MICALL1: variants seen among roughly 807,000 people sequenced by gnomAD.
The protein encoded by MICALL1 is MICAL-like protein 1.
A neutral mutation model predicts 83.7 loss-of-function variants in MICALL1; 61 were observed. The ratio of observed to expected loss-of-function variants is 0.73; its 90% CI spans 0.59 to 0.90. The LOEUF (loss-of-function observed/expected upper bound fraction) is 0.90. Ranked by LOEUF, MICALL1 falls within the 40% of genes least tolerant of loss-of-function variation. The pLI is 0.00. For missense variants in MICALL1, 1,066 were observed against 1,152.0 expected (o/e 0.93, Z 1.08); for synonymous variants, 481 against 473.6 (o/e 1.02, Z -0.20).
intron 7 of MICALL1, among the ~76,000 whole-genome samples, 197 bp from the exon 8 acceptor site, chr22:37,925,464 G>C (rs1229674542): frequency 1.3e-5 from 2 of 152,118 alleles, no homozygotes; most frequent in African/African-American, 2.4e-5. Flanking sequence ...GTGACTTGAA[G>C]GTTCACATTC....
chr22:37,937,026 G>T, intron 13 of MICALL1, 54 bp from the exon 14 acceptor site: 1 of 1,466,182 alleles, frequency 6.8e-7, no homozygotes, highest in Non-Finnish European at 9.3e-7. Context: ...GGTGGCCTGG[G>T]GAGGAAGAGG....
chr22:37,906,549 C>T lies in MICALL1; in HGVS notation c.127C>T (p.Arg43Trp). 3.4e-6 allele frequency: 4 copies of T among 1,188,074 alleles called. No homozygotes were observed. Among genetic ancestry groups the T allele is most frequent in the Non-Finnish European group, 4.2e-6 (4 of 952,960 alleles). 73.6% of individuals were successfully genotyped at this position (1,188,074 alleles called of 1,614,324 possible). A position where few individuals can be genotyped will look rare whatever the true frequency, so the allele number is the denominator to read the frequency against. ...CCTGGCCTTCTGCGCCATCCTGCAC[C>T]GGCACCGGCCCGACCTGCTGTGAGT... The part of the protein sequence containing the change: ...DGLAFCAILH[R>W]HRPDLLDFDS... Residue 43 changes from arginine (R) to tryptophan (W), a missense_variant, in exon 1 of 16, where the codon CGG (arginine) becomes TGG (tryptophan). Arg to Trp is a moderately radical substitution (Grantham distance 101, BLOSUM62 -3). Transcript: ENST00000215957. The surrounding 1 kb of genome is among the most constrained non-coding windows in gnomAD (Gnocchi z 4.4).
intron 3 of MICALL1, among the ~76,000 whole-genome samples, chr22:37,912,868 G>A (rs1344249733): frequency 2.0e-5 from 3 of 151,830 alleles, no homozygotes; most frequent in African/African-American, 7.3e-5. Context: ...TCACTATGTT[G>A]GCCAGGCTGG....
At chr22:37,939,065 GT>G in intron 15 of MICALL1, among the ~76,000 whole-genome samples, 1 of 152,162 alleles carries the variant, frequency 6.6e-6, no homozygotes, top group Non-Finnish European at 1.5e-5. Flanking sequence ...CAGGATTTGG[GT>G]TTTGGTCTTG....
chr22:37,937,188 G>C lies in MICALL1; in HGVS notation c.2417G>C (p.Arg806Pro). 1 of 1,550,996 alleles carries C rather than the reference G, an allele frequency of 6.4e-7. No individual in the cohort carries two copies. The highest frequency in any genetic ancestry group is 8.7e-7 in the Non-Finnish European group (1 of 1,146,760). Residue 806 changes from arginine to proline, a missense_variant, in exon 14 of 16, where the codon CGG (arginine) becomes CCG (proline). Arg to Pro is a moderately radical substitution (Grantham distance 103). Transcript: ENST00000215957. ...ATCATCAACTGCCTGGATGAGGACCGGCAGAGGTGACATGGCCAGGGGTGG... is the reference window on the plus strand; with the variant it reads ...ATCATCAACTGCCTGGATGAGGACCCGCAGAGGTGACATGGCCAGGGGTGG... ...NAIINCLDED[R>P]QREEEEDKML...
In MICALL1 at chr22:37,930,634, C is replaced by T. The variant is rs1359552814; in HGVS notation, c.1882-1165C>T. ...GTGGTTGGGAAATAGTGACATTGCCCGTGTGGTGGGCAGGGCCTTGCCGTG... is the reference window on the plus strand; with the variant it reads ...GTGGTTGGGAAATAGTGACATTGCCTGTGTGGTGGGCAGGGCCTTGCCGTG... On this transcript the variant is annotated intron_variant, in intron 9 of 15. Coordinates refer to ENST00000215957, the MANE Select transcript of MICALL1 (RefSeq NM_033386.4). This position sits in a 1 kb window ranked among gnomAD's most constrained non-coding sequence, Gnocchi z 4.8. Among the ~76,000 whole-genome samples, 1 of 152,166 alleles carries T rather than the reference C, an allele frequency of 6.6e-6. No individual in the cohort carries two copies. Among genetic ancestry groups the T allele is most frequent in the Non-Finnish European group, 1.5e-5 (1 of 68,028 alleles).
intron 15 of MICALL1, among the ~76,000 whole-genome samples, chr22:37,939,632 C>T (rs542553895): frequency 5.2e-4 from 79 of 151,702 alleles, no homozygotes; most frequent in Non-Finnish European, 7.7e-4. Flanking sequence ...AAATTAGCCG[C>T]GCATGGCAGC....
In MICALL1 at chr22:37,924,654, A is replaced by T. The variant is rs1360788656; in HGVS notation, c.1025-6A>T. ...AAGGCCTGGCTCACTCTCCTTTCCCATCTAGGGAGACTGCACGAACTGCCT... is the reference window on the plus strand; with the variant it reads ...AAGGCCTGGCTCACTCTCCTTTCCCTTCTAGGGAGACTGCACGAACTGCCT... On this transcript the variant is annotated splice_region_variant and splice_polypyrimidine_tract_variant and intron_variant, in intron 6 of 15. Transcript: ENST00000215957. This position sits in a 1 kb window ranked among gnomAD's most constrained non-coding sequence, Gnocchi z 5.2. 1 of 1,611,474 alleles carries T rather than the reference A, an allele frequency of 6.2e-7. No homozygotes were observed. Among genetic ancestry groups the T allele is most frequent in the East Asian group, 2.2e-5 (1 of 44,656 alleles).
At chr22:37,922,957 A>G (rs1421976393) in intron 6 of MICALL1, among the ~76,000 whole-genome samples, 3 of 135,752 alleles carry the variant, frequency 2.2e-5, no homozygotes, top group African/African-American at 8.5e-5. Context: ...TATTTTTGAG[A>G]TGGAATCCCA....
intron 4 of MICALL1, among the ~76,000 whole-genome samples, chr22:37,918,690 G>C (rs1197837556): frequency 6.6e-6 from 1 of 152,242 alleles, no homozygotes; most frequent in African/African-American, 2.4e-5. Flanking sequence ...GGAGGAGGAG[G>C]GGGCAGGAGC....
Position 37,921,850 on chromosome 22 carries a change from C to T in MICALL1, c.570-122C>T, listed in dbSNP as rs781059675. On this transcript the variant is annotated intron_variant, in intron 5 of 15. Transcript: ENST00000215957. ...CTCTGGGAAGTCTAGGGTATGGAGT[C>T]GAGCTTGGCTGGCAGTTGGGAGGAG... is the stretch of plus-strand genomic sequence containing the variant. 27 of 882,412 alleles carry T rather than the reference C, an allele frequency of 3.1e-5. No individual in the cohort carries two copies. The East Asian group carries it at 3.3e-4, about 11-fold the overall frequency. 54.7% of individuals were successfully genotyped at this position (882,412 alleles called of 1,614,324 possible).
At position 37,927,702 on chromosome 22, in the gene MICALL1, G is replaced by A; in HGVS notation, c.1757G>A (p.Arg586Lys). The change falls in exon 9 of 16, where the codon AGG (arginine) becomes AAG (lysine). Residue 586 changes from arginine (R) to lysine (K), a missense_variant. Transcript: ENST00000215957. ...QASPGLAPRT[R>K]GSSGPQPAKP... ...AGCCCTGGCCTTGCCCCCAGGACCA[G>A]GGGCAGCTCAGGTCCCCAGCCAGCC... 1 of 1,614,088 alleles carries A rather than the reference G, an allele frequency of 6.2e-7. No individual in the cohort carries two copies. The highest frequency in any genetic ancestry group is 8.5e-7 in the Non-Finnish European group (1 of 1,180,004).
intron 13 of MICALL1, among the ~76,000 whole-genome samples, chr22:37,935,089 C>T (rs1213126827): frequency 4.0e-5 from 6 of 149,820 alleles, no homozygotes; most frequent in Admixed American, 2.7e-4. Flanking sequence ...CCTGCCACCC[C>T]GCCCGGCTAA....
Position 37,932,573 on chromosome 22 carries a change from C to T in MICALL1, c.2037C>T (p.Ile679=), listed in dbSNP as rs1929848234. 1 of 1,614,150 alleles carries T rather than the reference C, an allele frequency of 6.2e-7. No individual in the cohort carries two copies. The highest frequency in any genetic ancestry group is 1.6e-4 in the Middle Eastern group (1 of 6,062). The change falls in exon 11 of 16, where the codon ATC becomes ATT. Residue 679 remains isoleucine, a synonymous_variant. Transcript: ENST00000215957. This position sits in a 1 kb window ranked among gnomAD's most constrained non-coding sequence, Gnocchi z 4.4. The stretch of plus-strand genomic sequence containing the variant: ...GGCAGGTCCAGGCTGACCAGTACAT[C>T]CCTGAGGAGGACATCCATGGAGAGA... ...IKRKVQADQY[I]PEEDIHGEMD...
At chr22:37,913,324 A>T (rs1402179992) in intron 3 of MICALL1, among the ~76,000 whole-genome samples, 1 of 152,192 alleles carries the variant, frequency 6.6e-6, no homozygotes, top group Admixed American at 6.5e-5. Context: ...CTGTGAATGT[A>T]ATCACTGCTG....
At chr22:37,921,369 A>T (rs1929019290) in intron 5 of MICALL1, among the ~76,000 whole-genome samples, 1 of 152,144 alleles carries the variant, frequency 6.6e-6, no homozygotes, top group Admixed American at 6.6e-5. Context: ...GGAGTTTGAG[A>T]CCAGCCTGGC....
intron 9 of MICALL1, among the ~76,000 whole-genome samples, chr22:37,928,678 G>A (rs1929626690): frequency 6.6e-6 from 1 of 152,120 alleles, no homozygotes; most frequent in Admixed American, 6.5e-5. Flanking sequence ...TAGCCTCCCA[G>A]GTCTTATGTA....
At position 37,930,613 on chromosome 22, in the gene MICALL1, T is replaced by C. The variant is rs538898636; in HGVS notation, c.1882-1186T>C. ...GTTTCCAATGAGCTGGGAAGAGTGG[T>C]TGGGAAATAGTGACATTGCCCGTGT... On this transcript the variant is annotated intron_variant, in intron 9 of 15. Transcript: ENST00000215957. This position sits in a 1 kb window ranked among gnomAD's most constrained non-coding sequence, Gnocchi z 4.8. 3.5e-4 allele frequency among the ~76,000 whole-genome samples: 54 copies of C among 152,276 alleles called. No homozygotes were observed. The highest frequency in any genetic ancestry group is 1.3e-3 in the African/African-American group (52 of 41,568).
chr22:37,934,235 T>C (rs907306190), intron 13 of MICALL1, among the ~76,000 whole-genome samples: 2 of 152,192 alleles, frequency 1.3e-5, no homozygotes, highest in African/African-American at 4.8e-5. Context: ...GTGAAGCTGG[T>C]GTATGAGGCT....
Sources: gnomAD v4.1 joint callset for allele counts (sites outside exome capture counted in the v4.1 genomes callset) on GRCh38, gnomAD v4.1.1 for gene constraint, Gnocchi (gnomAD v3.1) non-coding constraint, MANE v1.5 for transcripts, NCBI Gene and HGNC (gene_info 2026-07-23, HGNC 2026-07-21) for gene names.